CTTNBP2: variants seen among roughly 807,000 people sequenced by gnomAD.
CTTNBP2 encodes the protein cortactin binding protein 2, also known as cortactin-binding protein 2.
CTTNBP2 carries 108 observed loss-of-function variants against 156.9 expected under a neutral mutation model. The ratio of observed to expected loss-of-function variants is 0.69; its 90% CI spans 0.59 to 0.81. The LOEUF is 0.81. Ranked by LOEUF, CTTNBP2 falls within the 30% of genes least tolerant of loss-of-function variation. The pLI is 0.00. For missense variants in CTTNBP2, 1,924 were observed against 2,035.4 expected, an observed-to-expected ratio of 0.95 and a Z score of 1.05; for synonymous variants, 767 against 751.8, an observed-to-expected ratio of 1.02 and a Z score of -0.33.
intron 3 of CTTNBP2, among the ~76,000 whole-genome samples, chr7:117,809,739 GAC>G (rs1458899263): frequency 6.6e-6 from 1 of 152,166 alleles, no homozygotes; most frequent in Non-Finnish European, 1.5e-5. Context: ...TCAGGGAAAA[GAC>G]ACGCATGAAA....
chr7:117,856,502 A>G (rs1235592441), intron 2 of CTTNBP2, among the ~76,000 whole-genome samples: 2 of 152,238 alleles, frequency 1.3e-5, no homozygotes, highest in East Asian at 3.8e-4. Flanking sequence ...GTACAAGGCA[A>G]TTCTATAACT....
At chr7:117,746,697 T>C (rs1179889258) in intron 12 of CTTNBP2, among the ~76,000 whole-genome samples, 1 of 152,178 alleles carries the variant, frequency 6.6e-6, no homozygotes, top group Non-Finnish European at 1.5e-5. Flanking sequence ...ATAATGTCTT[T>C]GTGTTGACTT....
chr7:117,738,434 TAGG>T (rs1562963639), intron 14 of CTTNBP2, among the ~76,000 whole-genome samples: 2 of 151,916 alleles, frequency 1.3e-5, no homozygotes, highest in Non-Finnish European at 2.9e-5. Context: ...AGGAAAGAAA[TAGG>T]AGAACACACC....
At position 117,777,606 on chromosome 7, in the gene CTTNBP2, C is replaced by T; in HGVS notation, c.2683G>A (p.Gly895Ser). 1 of 1,613,956 alleles carries T rather than the reference C, an allele frequency of 6.2e-7. No homozygotes were observed. The highest frequency in any genetic ancestry group is 8.5e-7 in the Non-Finnish European group (1 of 1,179,918). Residue 895 changes from glycine (G) to serine (S), a missense_variant, in exon 8 of 23, where the codon GGC (glycine) becomes AGC (serine). Coordinates refer to ENST00000160373, the MANE Select transcript of CTTNBP2 (RefSeq NM_033427.3). ...GCAGGAACAACAGGCTTGGATATGC[C>T]TTCAGGACTCTCTTCTCCTCCATCC... Reference protein sequence around the residue: ...DLDGGEESPEGISKPVVPADL... With the variant: ...DLDGGEESPESISKPVVPADL...
chr7:117,719,640 A>T lies in CTTNBP2; in HGVS notation c.4512-4T>A. On this transcript the variant is annotated splice_region_variant and splice_polypyrimidine_tract_variant and intron_variant, in intron 20 of 22. Coordinates refer to ENST00000160373, the MANE Select transcript of CTTNBP2 (RefSeq NM_033427.3). ...TGATAGATCATTCTCTAAAGACCTA[A>T]CACAAAGTTCAGAAAAACGTTTTTC... 1 of 1,607,202 alleles carries T rather than the reference A, an allele frequency of 6.2e-7. No homozygotes were observed. Among genetic ancestry groups the T allele is most frequent in the Non-Finnish European group, 8.5e-7 (1 of 1,176,424 alleles).
At chr7:117,757,190 C>T (rs1796929421) in intron 11 of CTTNBP2, among the ~76,000 whole-genome samples, 1 of 152,072 alleles carries the variant, frequency 6.6e-6, no homozygotes, top group Admixed American at 6.5e-5. Context: ...TAAAATAAAT[C>T]TTTATTAGTT....
intron 2 of CTTNBP2, among the ~76,000 whole-genome samples, chr7:117,859,035 G>C (rs977940506): frequency 6.6e-6 from 1 of 152,098 alleles, no homozygotes; most frequent in African/African-American, 2.4e-5. Context: ...TCATGTCTGA[G>C]CATTTATATA....
chr7:117,729,189 C>A (rs931229618), intron 16 of CTTNBP2, among the ~76,000 whole-genome samples: 2 of 152,234 alleles, frequency 1.3e-5, no homozygotes, highest in African/African-American at 4.8e-5. Flanking sequence ...AACGGAATCA[C>A]ATTTCACAGT....
At position 117,718,041 on chromosome 7, in the gene CTTNBP2, GATT is replaced by G. The variant is rs1562947469; in HGVS notation, c.4720_4722del (p.Asn1574del). On this transcript the variant is annotated inframe_deletion, in exon 22 of 23. Coordinates refer to ENST00000160373, the MANE Select transcript of CTTNBP2 (RefSeq NM_033427.3). ...ACCTTTTGTGACACTGGCATTCTCA[GATT>G]ATTAATAGTTGCTGAAAGTACAGGG... The G allele has an allele frequency of 1.2e-6, 2 of 1,610,498 alleles. No individual in the cohort carries two copies. The highest frequency in any genetic ancestry group is 1.7e-5 in the Admixed American group (1 of 60,024).
chr7:117,777,764 T>G lies in CTTNBP2; in HGVS notation c.2525A>C (p.Asp842Ala). 2 of 1,601,862 alleles carry G rather than the reference T, an allele frequency of 1.2e-6. No individual in the cohort carries two copies. The highest frequency in any genetic ancestry group is 1.7e-6 in the Non-Finnish European group (2 of 1,171,130). Reference sequence around the variant, plus strand: ...AGCTGCGTGAACTGGTGTCCAGCCATCCTGAAAATAAAATGACCAGGGGGA... The same window carrying G: ...AGCTGCGTGAACTGGTGTCCAGCCAGCCTGAAAATAAAATGACCAGGGGGA... ...AGTNRSVKTTDGWTPVHAAVD... is the reference protein window; with the variant it reads ...AGTNRSVKTTAGWTPVHAAVD... Residue 842 changes from aspartate to alanine, a missense_variant and splice_region_variant, in exon 8 of 23, where the codon GAT (aspartate) becomes GCT (alanine). Coordinates refer to ENST00000160373, the MANE Select transcript of CTTNBP2 (RefSeq NM_033427.3).
At chr7:117,808,876 G>T (rs945274322) in intron 3 of CTTNBP2, among the ~76,000 whole-genome samples, 7 of 152,122 alleles carry the variant, frequency 4.6e-5, no homozygotes, top group African/African-American at 1.4e-4. Flanking sequence ...AGCTGATACG[G>T]TATTTTCTTT....
In CTTNBP2 at chr7:117,773,648, AACACACACACACACACACACACACACAC is replaced by A. The variant is rs71528190; in HGVS notation, c.2778+3835_2778+3862del. Among the ~76,000 whole-genome samples the A allele has an allele frequency of 7.5e-4, 71 of 95,132 alleles. 1 individual carries two copies. The highest frequency in any genetic ancestry group is 7.4e-4 in the Non-Finnish European group (36 of 48,354). The allele number at this position is 95,132 out of a possible 152,430, so 62.4% of individuals were successfully genotyped here. A position where few individuals can be genotyped will look rare whatever the true frequency, so the allele number is the denominator to read the frequency against. On this transcript the variant is annotated intron_variant, in intron 8 of 22. Transcript: ENST00000160373. ...TAAAGCTTGGGAGTTGCTTAGAGTT[AACACACACACACACACACACACACACAC>A]ACACACACACACACACACACACACA...
At chr7:117,718,824 C>CTGA (rs1031709742) in intron 21 of CTTNBP2, among the ~76,000 whole-genome samples, 1 of 152,146 alleles carries the variant, frequency 6.6e-6, no homozygotes, top group African/African-American at 2.4e-5. Flanking sequence ...AATTTTCTTA[C>CTGA]TGATAGATGA....
intron 4 of CTTNBP2, among the ~76,000 whole-genome samples, chr7:117,787,505 G>C (rs1032394023): frequency 2.0e-5 from 3 of 151,876 alleles, no homozygotes; most frequent in African/African-American, 7.3e-5. Context: ...GTTTCAATAG[G>C]GAAAAGGTGT....
intron 2 of CTTNBP2, among the ~76,000 whole-genome samples, chr7:117,837,054 CAG>C (rs1188626108): frequency 6.6e-6 from 1 of 152,154 alleles, no homozygotes; most frequent in African/African-American, 2.4e-5. Flanking sequence ...TTTGCCTGAG[CAG>C]AGTTAACCCA....
At chr7:117,859,501 A>T (rs569019029) in intron 2 of CTTNBP2, among the ~76,000 whole-genome samples, 69 of 151,834 alleles carry the variant, frequency 4.5e-4, no homozygotes, top group African/African-American at 1.5e-3. Flanking sequence ...AGGACCAAAA[A>T]ATATATATAT....
intron 22 of CTTNBP2, among the ~76,000 whole-genome samples, chr7:117,715,427 A>G (rs535109527): frequency 6.8e-6 from 1 of 146,712 alleles, no homozygotes; most frequent in African/African-American, 2.6e-5. Flanking sequence ...ACCTTTAAAA[A>G]ACCCATTGTC....
chr7:117,792,620 G>A lies in CTTNBP2; in HGVS notation c.576C>T (p.Leu192=), dbSNP rs770413375. 2.0e-5 allele frequency: 33 copies of A among 1,613,730 alleles called. No homozygotes were observed. The highest frequency in any genetic ancestry group is 4.4e-5 in the South Asian group (4 of 91,058). ...CTTCCAGTTTGGCCATTACGTCTTC[G>A]AGCTTCTGGGCCTCCTCTATGACTT... ...SGKVIEEAQK[L]EDVMAKLEEE... The change falls in exon 4 of 23, where the codon CTC becomes CTT. Residue 192 remains leucine (L), a synonymous_variant. Transcript: ENST00000160373. The surrounding 1 kb of genome is among the most constrained non-coding windows in gnomAD (Gnocchi z 4.2).
At chr7:117,871,313 T>C (rs1290509603) in intron 1 of CTTNBP2, among the ~76,000 whole-genome samples, 1 of 152,184 alleles carries the variant, frequency 6.6e-6, no homozygotes, top group African/African-American at 2.4e-5. Flanking sequence ...GTCAAAACTA[T>C]TTGGAGAACT....
Sources: gnomAD v4.1 joint callset for allele counts (sites outside exome capture counted in the v4.1 genomes callset) on GRCh38, gnomAD v4.1.1 for gene constraint, Gnocchi (gnomAD v3.1) non-coding constraint, MANE v1.5 for transcripts, NCBI Gene and HGNC (gene_info 2026-07-23, HGNC 2026-07-21) for gene names.